The following ZNF112 variants were observed in gnomAD, a reference collection of about 807,000 sequenced individuals.
The protein encoded by ZNF112 is zinc finger protein 112 (Y14).
In ZNF112, 37 loss-of-function variants were observed where a neutral mutation model predicts 77.7. The ratio of observed to expected loss-of-function variants is 0.48; its 90% confidence interval spans 0.37 to 0.63. ZNF112 has a LOEUF of 0.63. Among genes scored for constraint, ZNF112 ranks in the 20% least tolerant of loss-of-function variants. ZNF112 has a pLI of 0.00. For synonymous variants in ZNF112, 333 were observed against 363.6 expected, an observed-to-expected ratio of 0.92 and a Z score of 0.96; for missense variants, 950 against 1,077.4, an observed-to-expected ratio of 0.88 and a Z score of 1.66.
At chr19:44,338,878 C>T (rs1970437472) in intron 2 of ZNF112, among the ~76,000 whole-genome samples, 1 of 152,204 alleles carries the variant, frequency 6.6e-6, no homozygotes, top group African/African-American at 2.4e-5. Context: ...GTGTGGCCAA[C>T]ATGGTGAAAC....
At chr19:44,358,804 C>T (rs1201249139), upstream of ZNF112, among the ~76,000 whole-genome samples, 1 of 152,096 alleles carries the variant, frequency 6.6e-6, no homozygotes, top group African/African-American at 2.4e-5. Flanking sequence ...CCAAACCCAC[C>T]ATTCTTCACT....
chr19:44,342,018 C>T (rs1439631534), intron 1 of ZNF112, among the ~76,000 whole-genome samples: 3 of 152,154 alleles, frequency 2.0e-5, no homozygotes, highest in Non-Finnish European at 4.4e-5. Context: ...AACCTCTTAA[C>T]AGTGCAAACG....
intron 3 of ZNF112, 28 bp downstream of exon 3, chr19:44,336,595 T>C: frequency 6.3e-7 from 1 of 1,585,380 alleles, no homozygotes; most frequent in Non-Finnish European, 8.7e-7. Flanking sequence ...GCTCCCTGGC[T>C]GCTGTGTTCC....
chr19:44,330,596 C>T (rs558088846), intron 3 of ZNF112, among the ~76,000 whole-genome samples: 35 of 152,224 alleles, frequency 2.3e-4, no homozygotes, highest in East Asian at 7.7e-4. Context: ...ATTAGCCAGG[C>T]GTGGTGTTGC....
At chr19:44,353,628 A>C (rs1002160397) in intron 1 of ZNF112, among the ~76,000 whole-genome samples, 7 of 152,150 alleles carry the variant, frequency 4.6e-5, no homozygotes, top group African/African-American at 1.7e-4. Context: ...TGGCAAAGAA[A>C]CAATAACAAA....
At chr19:44,352,872 T>G (rs1282661201) in intron 1 of ZNF112, among the ~76,000 whole-genome samples, 1 of 152,024 alleles carries the variant, frequency 6.6e-6, no homozygotes, top group African/African-American at 2.4e-5. Flanking sequence ...TGAAGGGACA[T>G]GTTATATCAA....
At chr19:44,363,050 G>A (rs1970869079) in intron 1 of ZNF112, among the ~76,000 whole-genome samples, 1 of 152,156 alleles carries the variant, frequency 6.6e-6, no homozygotes, top group African/African-American at 2.4e-5. Context: ...GTTCACTGCA[G>A]CCTTGACCAA....
intron 1 of ZNF112, among the ~76,000 whole-genome samples, chr19:44,340,758 T>C (rs1970475040): frequency 6.6e-6 from 1 of 152,330 alleles, no homozygotes; most frequent in Non-Finnish European, 1.5e-5. Flanking sequence ...TTAGCACTTA[T>C]AAGTAAGCCT....
intron 1 of ZNF112, among the ~76,000 whole-genome samples, chr19:44,351,700 A>C (rs1599934501): frequency 6.6e-6 from 1 of 152,186 alleles, no homozygotes; most frequent in South Asian, 2.1e-4. Context: ...GCCTAAAAAA[A>C]TAGGTTTGCT....
intron 1 of ZNF112, among the ~76,000 whole-genome samples, chr19:44,350,551 C>T (rs1970673027): frequency 2.0e-5 from 3 of 152,118 alleles, no homozygotes; most frequent in African/African-American, 7.2e-5. Context: ...AAAGGCAAAA[C>T]AGTACTTATT....
At chr19:44,351,350 G>A (rs553969845) in intron 1 of ZNF112, among the ~76,000 whole-genome samples, 1 of 152,172 alleles carries the variant, frequency 6.6e-6, no homozygotes, top group South Asian at 2.1e-4. Flanking sequence ...CATCTTTAGG[G>A]AGCCACTATT....
chr19:44,361,909 CAGTTTT>C, intron 1 of ZNF112, among the ~76,000 whole-genome samples: 1 of 134,158 alleles, frequency 7.5e-6, no homozygotes, highest in South Asian at 2.3e-4. Context: ...AATACTTTCT[CAGTTTT>C]TCTGAGCAGT....
intron 1 of ZNF112, among the ~76,000 whole-genome samples, chr19:44,344,470 C>T (rs1447137417): frequency 6.6e-6 from 1 of 152,212 alleles, no homozygotes; most frequent in African/African-American, 2.4e-5. Flanking sequence ...CCAGTAGGCA[C>T]CTGCTCCCTC....
chr19:44,367,137 G>C (rs1470811665), exon 1 of ZNF112: 2 of 456,200 alleles, frequency 4.4e-6, no homozygotes, highest in South Asian at 1.5e-5. Flanking sequence ...CGAAGACAAG[G>C]AGGGCCGCCG....
At chr19:44,340,277 G>T in intron 2 of ZNF112, 139 bp downstream of exon 2, 1 of 1,139,994 alleles carries the variant, frequency 8.8e-7, no homozygotes, top group Non-Finnish European at 1.2e-6. Flanking sequence ...CATCTTGTCT[G>T]TGTTGCACGG....
chr19:44,357,863 A>G (rs546921998), upstream of ZNF112, among the ~76,000 whole-genome samples: 2 of 152,270 alleles, frequency 1.3e-5, no homozygotes, highest in African/African-American at 4.8e-5. Flanking sequence ...AGGACGGTGA[A>G]TGGGTTGACT....
intron 1 of ZNF112, among the ~76,000 whole-genome samples, chr19:44,355,816 A>T (rs1970776185): frequency 6.6e-6 from 1 of 152,258 alleles, no homozygotes; most frequent in Non-Finnish European, 1.5e-5. Flanking sequence ...TTGAACAAAT[A>T]TCAGCGCATC....
chr19:44,343,412 C>A (rs983012700), intron 1 of ZNF112: 7 of 871,606 alleles, frequency 8.0e-6, no homozygotes, highest in African/African-American at 5.1e-5. Context: ...TGGCCACACA[C>A]CGGCGTTAAG....
chr19:44,336,410 G>A (rs1970366975), intron 3 of ZNF112, among the ~76,000 whole-genome samples: 2 of 152,184 alleles, frequency 1.3e-5, no homozygotes, highest in Admixed American at 6.5e-5. Flanking sequence ...CAGACTGAAT[G>A]AGCAAAAACA....
Sources: gnomAD v4.1 joint callset for allele counts (sites outside exome capture counted in the v4.1 genomes callset) on GRCh38, gnomAD v4.1.1 for gene constraint, MANE v1.5 for transcripts, NCBI Gene and HGNC (gene_info 2026-07-23, HGNC 2026-07-21) for gene names.